TRPM8: variants seen among roughly 807,000 people sequenced by gnomAD.
The protein encoded by TRPM8 is transient receptor potential cation channel subfamily M member 8.
TRPM8 carries 110 observed loss-of-function variants against 133.7 expected under a neutral mutation model. The observed-to-expected ratio is 0.82, with a 90% CI of 0.70 to 0.96. TRPM8 has a LOEUF of 0.96. Ranked by LOEUF, TRPM8 falls within the 40% of genes least tolerant of loss-of-function variation. The probability of loss-of-function intolerance (pLI) is 0.00; values close to 1 mark genes in which losing one functional copy is unlikely to be tolerated. For synonymous variants in TRPM8, 535 were observed against 532.3 expected (o/e 1.01, Z -0.07); for missense variants, 1,291 against 1,379.5 (o/e 0.94, Z 1.02).
intron 15 of TRPM8, among the ~76,000 whole-genome samples, chr2:233,969,397 G>A (rs1691651587): frequency 6.6e-6 from 1 of 152,044 alleles, no homozygotes; most frequent in South Asian, 2.1e-4. Flanking sequence ...TGAGGCAGGA[G>A]AATCGCTTGA....
At chr2:233,945,638 T>C (rs1329709335) in intron 6 of TRPM8, among the ~76,000 whole-genome samples, 1 of 152,162 alleles carries the variant, frequency 6.6e-6, no homozygotes, top group Non-Finnish European at 1.5e-5. Flanking sequence ...TATGAGAAAA[T>C]GAGCACATGG....
intron 12 of TRPM8, 79 bp from the exon 13 acceptor site, chr2:233,963,203 A>G (rs1448147270): frequency 2.3e-6 from 2 of 856,770 alleles, no homozygotes; most frequent in East Asian, 5.2e-5. Flanking sequence ...CCCTCCAAAC[A>G]TGGGCTACTC....
In TRPM8 at chr2:233,958,481, T is replaced by G. The variant is rs554936773; in HGVS notation, c.1363-2295T>G. ...GAAATCACCAGGCTCCACCTCAGATTTGCAGAAATTCCAATACTGACTCCC... is the reference window on the plus strand; with the variant it reads ...GAAATCACCAGGCTCCACCTCAGATGTGCAGAAATTCCAATACTGACTCCC... On this transcript the variant is annotated intron_variant, in intron 11 of 25. Coordinates refer to ENST00000324695, the MANE Select transcript of TRPM8 (RefSeq NM_024080.5). Among the ~76,000 whole-genome samples the G allele has an allele frequency of 3.3e-5, 5 of 152,264 alleles. No individual in the cohort carries two copies. In the East Asian group the frequency reaches 9.6e-4, roughly 29 times the overall value.
chr2:234,002,754 A>C (rs1464755170), intron 22 of TRPM8, among the ~76,000 whole-genome samples: 1 of 152,216 alleles, frequency 6.6e-6, no homozygotes, highest in Non-Finnish European at 1.5e-5. Flanking sequence ...AATCCAGTAC[A>C]TGTGACTAAA....
intron 5 of TRPM8, 149 bp downstream of exon 5, chr2:233,939,324 C>A (rs1690846220): frequency 4.5e-6 from 4 of 882,282 alleles, no homozygotes; most frequent in East Asian, 5.3e-5. Context: ...AAGCCATATC[C>A]TCAAATGAAT....
chr2:233,983,019 G>A (rs764572473), intron 19 of TRPM8, 34 bp from the exon 20 acceptor site: 20 of 1,597,190 alleles, frequency 1.3e-5, no homozygotes, highest in Non-Finnish European at 1.7e-5. Flanking sequence ...TGTGGGCACG[G>A]TCCTGACTCC....
At position 234,018,497 on chromosome 2, in the gene TRPM8, A is replaced by T. The variant is rs140962278; in HGVS notation, c.*1241A>T. ...TTTTCATAAATGTATAGCAAATAGGAATTATTAACTTGAGCATAAGATATG... is the reference window on the plus strand; with the variant it reads ...TTTTCATAAATGTATAGCAAATAGGTATTATTAACTTGAGCATAAGATATG... On this transcript the variant is annotated 3_prime_UTR_variant, in exon 26 of 26. Coordinates refer to ENST00000324695, the MANE Select transcript of TRPM8 (RefSeq NM_024080.5). 2.8e-4 allele frequency: 42 copies of T among 152,040 alleles called. No homozygotes were observed. In the East Asian group the frequency reaches 8.1e-3, roughly 29 times the overall value. 9.4% of individuals were successfully genotyped at this position (152,040 alleles called of 1,614,324 possible).
chr2:233,942,579 C>G lies in TRPM8; in HGVS notation c.530C>G (p.Ala177Gly). 1 of 1,614,166 alleles carries G rather than the reference C, an allele frequency of 6.2e-7. No homozygotes were observed. The highest frequency in any genetic ancestry group is 8.5e-7 in the Non-Finnish European group (1 of 1,180,022). The part of the protein sequence containing the change: ...RLIYIAQSKG[A>G]WILTGGTHYG... Reference sequence around the variant, plus strand: ...TACTCTTCCTATTTGTTGACAGGTGCTTGGATTCTCACGGGAGGCACCCAT... The same window carrying G: ...TACTCTTCCTATTTGTTGACAGGTGGTTGGATTCTCACGGGAGGCACCCAT... Residue 177 changes from alanine to glycine, a missense_variant, in exon 6 of 26, where the codon GCT becomes GGT. By Grantham distance (60) the Ala-to-Gly change is moderately conservative (BLOSUM62 0). Coordinates refer to ENST00000324695, the MANE Select transcript of TRPM8 (RefSeq NM_024080.5).
intron 1 of TRPM8, among the ~76,000 whole-genome samples, chr2:233,922,182 C>A (rs1478110885): frequency 1.3e-5 from 2 of 152,066 alleles, no homozygotes; most frequent in African/African-American, 2.4e-5. Context: ...TTTGCACAAC[C>A]CTTGCAAAAG....
chr2:233,980,324 C>T (rs758932505), intron 18 of TRPM8, 45 bp downstream of exon 18: 8 of 1,336,500 alleles, frequency 6.0e-6, no homozygotes, highest in Admixed American at 4.4e-5. Context: ...GTTTTGACTA[C>T]AAAAGTGGAG....
chr2:233,966,602 C>G lies in TRPM8; in HGVS notation c.1880-8C>G, dbSNP rs199828485. On this transcript the variant is annotated splice_polypyrimidine_tract_variant and splice_region_variant and intron_variant, in intron 14 of 25. Transcript: ENST00000324695. ...CACCAGCTTCTCTCTGTGCTGATGT[C>G]GCTGTAGAGCTGTTCACTGAGTGTT... 6.2e-7 allele frequency: 1 copy of G among 1,613,792 alleles called. No homozygotes were observed. The highest frequency in any genetic ancestry group is 1.7e-5 in the Admixed American group (1 of 59,994).
At chr2:233,918,540 C>T (rs931111004) in intron 1 of TRPM8, among the ~76,000 whole-genome samples, 13 of 152,052 alleles carry the variant, frequency 8.5e-5, no homozygotes, top group African/African-American at 3.1e-4. Context: ...TCACCTGCTG[C>T]CTGTATCTAC....
intron 11 of TRPM8, among the ~76,000 whole-genome samples, chr2:233,958,516 C>T (rs939795280): frequency 6.6e-6 from 1 of 152,234 alleles, no homozygotes; most frequent in Non-Finnish European, 1.5e-5. Flanking sequence ...CAGCATTCTG[C>T]ATTTACCAGG....
intron 21 of TRPM8, among the ~76,000 whole-genome samples, chr2:233,994,262 C>T (rs756619948): frequency 2.2e-4 from 34 of 152,176 alleles, no homozygotes; most frequent in Non-Finnish European, 4.4e-4. Flanking sequence ...CAGCTGTGGA[C>T]TAGAAAGGGT....
At chr2:234,013,990 T>A (rs1692899974) in intron 24 of TRPM8, among the ~76,000 whole-genome samples, 1 of 152,166 alleles carries the variant, frequency 6.6e-6, no homozygotes, top group South Asian at 2.1e-4. Flanking sequence ...GCAAATGTAG[T>A]AATATGACAT....
intron 4 of TRPM8, 130 bp from the exon 5 acceptor site, chr2:233,938,868 C>A: frequency 6.1e-6 from 6 of 985,956 alleles, no homozygotes; most frequent in East Asian, 5.2e-5. Flanking sequence ...ATGCCGCGAT[C>A]CCTGCTGCCC....
chr2:233,970,107 T>C, intron 16 of TRPM8, 103 bp from the exon 17 acceptor site: 1 of 1,092,398 alleles, frequency 9.2e-7, no homozygotes, highest in Non-Finnish European at 1.4e-6. Context: ...CGTCTCTTCC[T>C]CCTGGCTATG....
intron 17 of TRPM8, among the ~76,000 whole-genome samples, chr2:233,973,502 C>A (rs1179517549): frequency 1.3e-5 from 2 of 152,202 alleles, no homozygotes; most frequent in East Asian, 1.9e-4. Context: ...TCTCCGCTCT[C>A]CCTGGGGACA....
chr2:233,990,691 G>A (rs181119595), intron 21 of TRPM8, among the ~76,000 whole-genome samples: 33 of 152,190 alleles, frequency 2.2e-4, no homozygotes, highest in African/African-American at 7.5e-4. Flanking sequence ...TTTGCTGTAG[G>A]GTGTTCTAAC....
Sources: gnomAD v4.1 joint callset for allele counts (sites outside exome capture counted in the v4.1 genomes callset) on GRCh38, gnomAD v4.1.1 for gene constraint, MANE v1.5 for transcripts, NCBI Gene and HGNC (gene_info 2026-07-23, HGNC 2026-07-21) for gene names.